Variants in CCDC88C observed in about 807,000 individuals in gnomAD.
CCDC88C encodes protein Daple.
In CCDC88C, 131 loss-of-function variants were observed where a neutral mutation model predicts 198.8. The observed-to-expected ratio is 0.66, with a 90% CI of 0.57 to 0.76. The LOEUF is 0.76. CCDC88C is among the 30% of genes least tolerant of loss of function. CCDC88C has a pLI of 0.00. For missense variants in CCDC88C, 2,553 were observed against 2,631.6 expected (o/e 0.97, Z 0.65); for synonymous variants, 1,166 against 1,114.7 (o/e 1.05, Z -0.92).
rs760517008 is a variant in CCDC88C at position 91,278,207 on chromosome 14, G to A, written c.4773C>T (p.Ser1591=). Reference sequence around the variant, plus strand: ...CAGACCGGCCATGGAGCTGCTCGGAGGAGCCTGGGTGTCAGGGCAGGAGAC... The same window carrying A: ...CAGACCGGCCATGGAGCTGCTCGGAAGAGCCTGGGTGTCAGGGCAGGAGAC... The part of the protein sequence containing the change: ...SNSSPLNLKG[S]SEQLHGRSES... The change falls in exon 29 of 30, where the codon TCC becomes TCT. Residue 1591 remains serine, a synonymous_variant. Coordinates refer to ENST00000389857, the MANE Select transcript of CCDC88C (RefSeq NM_001080414.4). 8.8e-6 allele frequency: 14 copies of A among 1,597,022 alleles called. No homozygotes were observed. The African/African-American group carries it at 1.9e-4, about 21-fold the overall frequency.
rs148681494 is a variant in CCDC88C, at chr14:91,367,097, C to T, written c.271-7386G>A. Reference sequence around the variant, plus strand: ...AATGGGAAGAATTATTTTTCTCCTTCTAAGTGAAACTGAATCTCGCAGCTT... The same window carrying T: ...AATGGGAAGAATTATTTTTCTCCTTTTAAGTGAAACTGAATCTCGCAGCTT... On this transcript the variant is annotated intron_variant, in intron 3 of 29. Coordinates refer to ENST00000389857, the MANE Select transcript of CCDC88C (RefSeq NM_001080414.4). Among the ~76,000 whole-genome samples, 257 of 152,332 alleles carry T rather than the reference C, an allele frequency of 1.7e-3. 1 individual carries two copies. The highest frequency in any genetic ancestry group is 5.8e-3 in the African/African-American group (242 of 41,566).
rs760066360 is a variant in CCDC88C, at chr14:91,321,144, C to T, written c.1503G>A (p.Lys501=). 1.2e-6 allele frequency: 2 copies of T among 1,611,574 alleles called. No homozygotes were observed. Among genetic ancestry groups the T allele is most frequent in the Non-Finnish European group, 1.7e-6 (2 of 1,178,906 alleles). The part of the protein sequence containing the change: ...ESGLKCGELE[K]ENHQLSKKIE... ...CCTTCTTGCTGAGCTGGTGGTTCTC[C>T]TTCTCCAGCTCCCCGCACTTGAGGC... The change falls in exon 13 of 30, where the codon AAG becomes AAA. Residue 501 remains lysine, a synonymous_variant. Coordinates refer to ENST00000389857, the MANE Select transcript of CCDC88C (RefSeq NM_001080414.4).
At position 91,300,030 on chromosome 14, in the gene CCDC88C, G is replaced by A. The variant is rs774944606; in HGVS notation, c.3676C>T (p.Arg1226Trp). Residue 1226 changes from arginine (R) to tryptophan (W), a missense_variant, in exon 21 of 30, where the codon CGG becomes TGG. Around this residue, in one of 2 missense-constraint regions of CCDC88C, gnomAD observed 1,293 missense variants for 1,219.6 expected, o/e 1.06. Coordinates refer to ENST00000389857, the MANE Select transcript of CCDC88C (RefSeq NM_001080414.4). ...MLKRKAELEE[R>W]EKVLTTEREA... is the part of the protein sequence containing the mutation. Reference sequence around the variant, plus strand: ...CGCTCAGTGGTCAAGACCTTCTCCCGCTCCTCCAGCTCCGCCTTGCGCTTC... The same window carrying A: ...CGCTCAGTGGTCAAGACCTTCTCCCACTCCTCCAGCTCCGCCTTGCGCTTC... 1.1e-5 allele frequency: 18 copies of A among 1,605,650 alleles called. No homozygotes were observed. Among genetic ancestry groups the A allele is most frequent in the African/African-American group, 4.0e-5 (3 of 74,914 alleles).
At chr14:91,391,799 G>A (rs1885522545) in intron 3 of CCDC88C, among the ~76,000 whole-genome samples, 1 of 151,936 alleles carries the variant, frequency 6.6e-6, no homozygotes, top group Non-Finnish European at 1.5e-5. Context: ...AGAAAAAAGA[G>A]GCAGCTTCCT....
At chr14:91,296,038 C>T (rs1344921194) in intron 22 of CCDC88C, among the ~76,000 whole-genome samples, 1 of 152,236 alleles carries the variant, frequency 6.6e-6, no homozygotes, top group African/African-American at 2.4e-5. Flanking sequence ...GGATCATGGA[C>T]GTCCAGCCTC....
rs1008582949 is a variant in CCDC88C, at chr14:91,284,234, T to C, written c.4442-717A>G. ...TAAAAATGAACATGGCTGGCATTCCTAAGAGCTGACAAAGCACTTTGCAGA... is the reference window on the plus strand; with the variant it reads ...TAAAAATGAACATGGCTGGCATTCCCAAGAGCTGACAAAGCACTTTGCAGA... On this transcript the variant is annotated intron_variant, in intron 25 of 29. Coordinates refer to ENST00000389857, the MANE Select transcript of CCDC88C (RefSeq NM_001080414.4). The surrounding 1 kb of genome is among the most constrained non-coding windows in gnomAD (Gnocchi z 4.1). Among the ~76,000 whole-genome samples the C allele has an allele frequency of 1.3e-5, 2 of 152,188 alleles. No individual in the cohort carries two copies. The highest frequency in any genetic ancestry group is 4.8e-5 in the African/African-American group (2 of 41,448).
chr14:91,383,093 C>T (rs1884904110), intron 3 of CCDC88C, among the ~76,000 whole-genome samples: 1 of 152,222 alleles, frequency 6.6e-6, no homozygotes, highest in South Asian at 2.1e-4. Flanking sequence ...CCAGCACCTT[C>T]CAGCCCAGTG....
chr14:91,417,501 G>A (rs1399620481), intron 1 of CCDC88C, 130 bp downstream of exon 1: 12 of 708,594 alleles, frequency 1.7e-5, no homozygotes, highest in East Asian at 9.7e-5. Flanking sequence ...CCGGCCGGGA[G>A]CCACTTGCTG....
At chr14:91,417,578 G>A (rs984064677) in intron 1 of CCDC88C, 53 bp downstream of exon 1, 30 of 1,524,178 alleles carry the variant, frequency 2.0e-5, no homozygotes, top group East Asian at 2.5e-5. Flanking sequence ...CCGTCGCCGG[G>A]CTAGAGAGAA....
intron 4 of CCDC88C, among the ~76,000 whole-genome samples, chr14:91,357,103 GA>G (rs1894067207): frequency 6.6e-6 from 1 of 152,162 alleles, no homozygotes. Flanking sequence ...TTTGGGGGCG[GA>G]CAGAGCAGGT....
chr14:91,313,061 G>A lies in CCDC88C; in HGVS notation c.2736+19C>T, dbSNP rs371669081. ...ACCATCTGCCAATCCCCTTACAGGC[G>A]CCGCCTGTGTTTGCTCACCTCCCTC... is the stretch of plus-strand genomic sequence containing the variant. On this transcript the variant is annotated intron_variant, in intron 15 of 29. Coordinates refer to ENST00000389857, the MANE Select transcript of CCDC88C (RefSeq NM_001080414.4). This position sits in a 1 kb window ranked among gnomAD's most constrained non-coding sequence, Gnocchi z 5.2. The A allele has an allele frequency of 7.9e-5, 122 of 1,549,634 alleles. No homozygotes were observed. The highest frequency in any genetic ancestry group is 6.5e-4 in the East Asian group (29 of 44,300).
At position 91,399,970 on chromosome 14, in the gene CCDC88C, T is replaced by C. The variant is rs565532897; in HGVS notation, c.270+8689A>G. Among the ~76,000 whole-genome samples, 4 of 150,532 alleles carry C rather than the reference T, an allele frequency of 2.7e-5. No individual in the cohort carries two copies. The East Asian group carries it at 7.9e-4, about 30-fold the overall frequency. On this transcript the variant is annotated intron_variant, in intron 3 of 29. Coordinates refer to ENST00000389857, the MANE Select transcript of CCDC88C (RefSeq NM_001080414.4). ...TCAGGCTGCTTTATGTCTCCAAAGC[T>C]CTGCAGGTGCCGCTCTTCCCCAGAG...
intron 19 of CCDC88C, among the ~76,000 whole-genome samples, chr14:91,305,140 G>C (rs937318323): frequency 1.3e-5 from 2 of 152,196 alleles, no homozygotes; most frequent in African/African-American, 2.4e-5. Context: ...GGAGCTTGCA[G>C]TGAGCCGAGA....
chr14:91,272,809 A>AC lies in CCDC88C; in HGVS notation c.5902dup (p.Val1968GlyfsTer8). On this transcript the variant is annotated frameshift_variant, in exon 30 of 30. Transcript: ENST00000389857. LOFTEE classifies it high-confidence loss of function. ...CCCCTCACTGCAGCCCTGCCCCGGG[A>AC]CCCCGTCTCCCTCTGAGAGGCTGAG... The AC allele has an allele frequency of 6.3e-7, 1 of 1,598,144 alleles. No individual in the cohort carries two copies. Among genetic ancestry groups the AC allele is most frequent in the Non-Finnish European group, 8.5e-7 (1 of 1,172,936 alleles).
At position 91,284,585 on chromosome 14, in the gene CCDC88C, A is replaced by G. The variant is rs1419386512; in HGVS notation, c.4442-1068T>C. 1.3e-5 allele frequency among the ~76,000 whole-genome samples: 2 copies of G among 152,166 alleles called. No individual in the cohort carries two copies. Among genetic ancestry groups the G allele is most frequent in the Admixed American group, 6.5e-5 (1 of 15,280 alleles). The stretch of plus-strand genomic sequence containing the variant: ...AGCGAACAGAGAAAGCACAATTCCA[A>G]CAGCATGCGCGGAAGGCAGGTCTGG... On this transcript the variant is annotated intron_variant, in intron 25 of 29. Transcript: ENST00000389857. The surrounding 1 kb of genome is among the most constrained non-coding windows in gnomAD (Gnocchi z 4.1).
intron 3 of CCDC88C, among the ~76,000 whole-genome samples, chr14:91,380,519 C>A (rs1884724340): frequency 6.9e-6 from 1 of 144,490 alleles, no homozygotes; most frequent in Non-Finnish European, 1.5e-5. Context: ...CCTGTATACC[C>A]TCCAATTCAA....
At chr14:91,400,298 T>C (rs1285825) in intron 3 of CCDC88C, among the ~76,000 whole-genome samples, 8,154 of 152,258 alleles carry the variant, frequency 0.054, 876 homozygotes, top group East Asian at 0.46. Context: ...TTATACAAGC[T>C]CTAGCTAGGG....
At chr14:91,285,527 G>T in intron 25 of CCDC88C, 1 of 665,306 alleles carries the variant, frequency 1.5e-6, no homozygotes. Context: ...AATCCACGCT[G>T]GCTACTTTAA....
At chr14:91,392,785 A>G (rs544706087) in intron 3 of CCDC88C, among the ~76,000 whole-genome samples, 2,619 of 147,398 alleles carry the variant, frequency 0.018, 89 homozygotes, top group African/African-American at 0.061. Flanking sequence ...CTCTCACTGC[A>G]CCCCTCACTC....
Sources: allele counts gnomAD v4.1 joint callset (sites outside exome capture counted in the v4.1 genomes callset), GRCh38; gene constraint gnomAD v4.1.1; regional missense constraint gnomAD v4.1.1; non-coding constraint Gnocchi (gnomAD v3.1); transcripts MANE v1.5; gene names NCBI Gene and HGNC (gene_info 2026-07-23, HGNC 2026-07-21).